KYNU: variants seen among roughly 807,000 people sequenced by gnomAD.
KYNU encodes the protein kynureninase, also known as L-kynurenine hydrolase.
In KYNU, 54 loss-of-function variants were observed where a neutral mutation model predicts 59.2. The ratio of observed to expected loss-of-function variants is 0.91; its 90% CI spans 0.73 to 1.14. KYNU has a LOEUF of 1.14. KYNU is among the 50% of genes most tolerant of loss of function. The pLI is 0.00. For missense variants in KYNU, 567 were observed against 554.4 expected (o/e 1.02, Z -0.23); for synonymous variants, 177 against 192.0 (o/e 0.92, Z 0.65).
chr2:142,921,157 C>T (rs1289631387), intron 3 of KYNU, among the ~76,000 whole-genome samples: 3 of 152,124 alleles, frequency 2.0e-5, no homozygotes, highest in African/African-American at 4.8e-5. Flanking sequence ...TATATACCAG[C>T]TTGACTAAAG....
Position 143,042,728 on chromosome 2 carries a change from A to G in KYNU, c.*556A>G, listed in dbSNP as rs1300824268. 1 of 149,756 alleles carries G rather than the reference A, an allele frequency of 6.7e-6. No individual in the cohort carries two copies. The highest frequency in any genetic ancestry group is 6.7e-5 in the Admixed American group (1 of 14,906). 9.3% of individuals were successfully genotyped at this position (149,756 alleles called of 1,614,324 possible). ...GGTACAATCCACATTGCTCCTGCTGATCTGTAATATCAGAAACCAGTATTT... is the reference window on the plus strand; with the variant it reads ...GGTACAATCCACATTGCTCCTGCTGGTCTGTAATATCAGAAACCAGTATTT... On this transcript the variant is annotated 3_prime_UTR_variant, in exon 14 of 14. Coordinates refer to ENST00000264170, the MANE Select transcript of KYNU (RefSeq NM_003937.3).
chr2:142,972,230 A>G (rs1209610774), intron 8 of KYNU, among the ~76,000 whole-genome samples: 2 of 152,122 alleles, frequency 1.3e-5, no homozygotes, highest in African/African-American at 4.8e-5. Flanking sequence ...TGGCGTGATT[A>G]TTGTACCTGC....
intron 2 of KYNU, among the ~76,000 whole-genome samples, chr2:142,900,909 T>A (rs1051415061): frequency 6.6e-6 from 1 of 152,100 alleles, no homozygotes; most frequent in African/African-American, 2.4e-5. Context: ...TGAAGAACAA[T>A]TTGTAGTTTT....
chr2:142,984,955 A>T, intron 8 of KYNU, 129 bp from the exon 9 acceptor site: 1 of 706,010 alleles, frequency 1.4e-6, no homozygotes, highest in Non-Finnish European at 2.6e-6. Flanking sequence ...TACTTTGTGA[A>T]CCATTGCATC....
At chr2:142,988,334 A>G (rs939299392) in intron 10 of KYNU, among the ~76,000 whole-genome samples, 1 of 151,948 alleles carries the variant, frequency 6.6e-6, no homozygotes, top group Admixed American at 6.6e-5. Flanking sequence ...AGCAGAAAAT[A>G]TAACCTCAAA....
At chr2:142,964,293 T>C (rs1280138138) in intron 8 of KYNU, among the ~76,000 whole-genome samples, 1 of 152,166 alleles carries the variant, frequency 6.6e-6, no homozygotes, top group African/African-American at 2.4e-5. Context: ...TTCATATACA[T>C]TTCTGTTAAG....
intron 10 of KYNU, among the ~76,000 whole-genome samples, chr2:142,992,720 C>T (rs187077173): frequency 1.3e-5 from 2 of 152,010 alleles, no homozygotes; most frequent in Admixed American, 6.6e-5. Context: ...CTAAGGTAAT[C>T]TTCACTTTCT....
At chr2:142,886,536 G>C (rs1681520189) in intron 2 of KYNU, among the ~76,000 whole-genome samples, 1 of 152,132 alleles carries the variant, frequency 6.6e-6, no homozygotes, top group South Asian at 2.1e-4. Context: ...ATGACAGCTA[G>C]AAGAGACGAA....
intron 4 of KYNU, among the ~76,000 whole-genome samples, chr2:142,929,846 G>A (rs1402974810): frequency 3.3e-5 from 5 of 152,166 alleles, no homozygotes; most frequent in African/African-American, 9.7e-5. Context: ...AGTCTCATAG[G>A]TGGCTGCCCT....
intron 12 of KYNU, among the ~76,000 whole-genome samples, chr2:143,037,105 TA>T (rs148572038): frequency 0.04 from 6,087 of 152,326 alleles, 147 homozygotes; most frequent in Non-Finnish European, 0.051. Context: ...CTTTTGTTTA[TA>T]TTTTTTTATC....
chr2:142,927,853 A>C (rs1201105757), intron 4 of KYNU, 112 bp downstream of exon 4: 1 of 775,776 alleles, frequency 1.3e-6, no homozygotes, highest in African/African-American at 1.7e-5. Context: ...GTGATTTTCT[A>C]TTTTAATCTA....
intron 8 of KYNU, among the ~76,000 whole-genome samples, chr2:142,965,094 C>G (rs940462471): frequency 6.6e-6 from 1 of 152,332 alleles, no homozygotes; most frequent in African/African-American, 2.4e-5. Flanking sequence ...CATAATTCAG[C>G]TACCACTGTC....
intron 4 of KYNU, among the ~76,000 whole-genome samples, chr2:142,935,070 T>A (rs1226426239): frequency 6.6e-6 from 1 of 152,202 alleles, no homozygotes; most frequent in Non-Finnish European, 1.5e-5. Flanking sequence ...TGTTAAAGAC[T>A]TTGAAGGCTA....
intron 10 of KYNU, among the ~76,000 whole-genome samples, chr2:143,025,180 C>T (rs1686516750): frequency 6.6e-6 from 1 of 152,012 alleles, no homozygotes; most frequent in South Asian, 2.1e-4. Context: ...TTTCATTAAG[C>T]TTCTGTTGTT....
chr2:142,946,702 G>C (rs934732439), intron 4 of KYNU, among the ~76,000 whole-genome samples: 5 of 152,080 alleles, frequency 3.3e-5, no homozygotes, highest in African/African-American at 4.8e-5. Context: ...ATTATTTTTT[G>C]AATGGTAAAT....
At chr2:142,939,052 T>C (rs1683489674) in intron 4 of KYNU, among the ~76,000 whole-genome samples, 1 of 152,070 alleles carries the variant, frequency 6.6e-6, no homozygotes, top group Admixed American at 6.6e-5. Context: ...TGAGCTACTT[T>C]TTAGGCTGAG....
intron 10 of KYNU, among the ~76,000 whole-genome samples, chr2:143,000,710 A>G (rs1685685241): frequency 6.6e-6 from 1 of 152,324 alleles, no homozygotes; most frequent in Non-Finnish European, 1.5e-5. Flanking sequence ...TATAGCAGGT[A>G]TTTCAGCAGA....
intron 2 of KYNU, among the ~76,000 whole-genome samples, chr2:142,886,599 C>T (rs963138081): frequency 1.3e-5 from 2 of 151,946 alleles, no homozygotes; most frequent in African/African-American, 4.8e-5. Context: ...TCTTCTAGGT[C>T]ATTCTAGAAT....
At chr2:143,031,399 A>G (rs932749259) in intron 11 of KYNU, among the ~76,000 whole-genome samples, 8 of 152,168 alleles carry the variant, frequency 5.3e-5, no homozygotes, top group African/African-American at 1.9e-4. Context: ...ACATAAGTGA[A>G]AGATTGTGGC....
Sources: gnomAD v4.1 joint callset for allele counts (sites outside exome capture counted in the v4.1 genomes callset) on GRCh38, gnomAD v4.1.1 for gene constraint, MANE v1.5 for transcripts, NCBI Gene and HGNC (gene_info 2026-07-23, HGNC 2026-07-21) for gene names.